The following TAF3 variants were observed in gnomAD, a reference collection of about 807,000 sequenced individuals.
TAF3 encodes the protein transcription initiation factor TFIID subunit 3.
TAF3 carries 7 observed loss-of-function variants against 80.6 expected under a neutral mutation model. That is an observed-to-expected ratio of 0.09 (90% confidence interval 0.05 to 0.16). The LOEUF (loss-of-function observed/expected upper bound fraction) is 0.16, where lower values mean the gene tolerates loss of function less well. Ranked by LOEUF, TAF3 falls within the 10% of genes least tolerant of loss-of-function variation. The probability of loss-of-function intolerance (pLI) is 1.00; values close to 1 mark genes in which losing one functional copy is unlikely to be tolerated. For synonymous variants in TAF3, 444 were observed against 446.1 expected (o/e 1.00, Z 0.06); for missense variants, 921 against 1,140.2 (o/e 0.81, Z 2.77).
chr10:7,867,565 C>T (rs1837225748), intron 2 of TAF3, among the ~76,000 whole-genome samples: 2 of 152,112 alleles, frequency 1.3e-5, no homozygotes, highest in Admixed American at 6.5e-5. Flanking sequence ...GAAGGGGCAC[C>T]CTCATTCTGT....
intron 3 of TAF3, among the ~76,000 whole-genome samples, chr10:7,973,605 A>C (rs7092822): frequency 6.6e-6 from 1 of 152,180 alleles, no homozygotes; most frequent in African/African-American, 2.4e-5. Flanking sequence ...TGAAACCCAC[A>C]TTATCTACCC....
chr10:7,846,313 A>T (rs1041522407), intron 2 of TAF3, among the ~76,000 whole-genome samples: 1 of 152,224 alleles, frequency 6.6e-6, no homozygotes, highest in East Asian at 1.9e-4. Context: ...AAAGTATTGT[A>T]TTAATTTACA....
intron 2 of TAF3, among the ~76,000 whole-genome samples, chr10:7,864,477 A>G (rs749779359): frequency 1.3e-5 from 2 of 152,210 alleles, no homozygotes; most frequent in African/African-American, 4.8e-5. Context: ...AAAAAATACT[A>G]CAGTATATTA....
At chr10:7,955,255 AAG>A (rs1838124089) in intron 2 of TAF3, among the ~76,000 whole-genome samples, 2 of 152,186 alleles carry the variant, frequency 1.3e-5, no homozygotes, top group Admixed American at 1.3e-4. Context: ...TTGCTAGTAA[AAG>A]AGGAATCTAT....
chr10:7,897,040 T>C (rs1490604039), intron 2 of TAF3, among the ~76,000 whole-genome samples: 5 of 152,322 alleles, frequency 3.3e-5, no homozygotes. Context: ...CCCTCCATCC[T>C]CAAGCCAGCA....
intron 2 of TAF3, among the ~76,000 whole-genome samples, chr10:7,897,532 A>T (rs1041133819): frequency 2.0e-5 from 3 of 152,006 alleles, no homozygotes; most frequent in African/African-American, 7.2e-5. Flanking sequence ...TGTTTTTTTC[A>T]TGGTACCGCT....
chr10:7,905,060 T>G (rs1288113797), intron 2 of TAF3, among the ~76,000 whole-genome samples: 2 of 152,172 alleles, frequency 1.3e-5, no homozygotes, highest in Non-Finnish European at 2.9e-5. Flanking sequence ...AAAGATAGAC[T>G]GAAAGGCTCC....
intron 2 of TAF3, among the ~76,000 whole-genome samples, chr10:7,926,076 G>A (rs1837813053): frequency 6.6e-6 from 1 of 152,072 alleles, no homozygotes. Context: ...TTTTAGAAAG[G>A]ATTTTGTTGT....
At position 7,914,651 on chromosome 10, in the gene TAF3, G is replaced by A. The variant is rs537381575; in HGVS notation, c.410-49269G>A. 7.2e-5 allele frequency among the ~76,000 whole-genome samples: 11 copies of A among 152,254 alleles called. No homozygotes were observed. The South Asian group carries it at 2.3e-3, about 32-fold the overall frequency. On this transcript the variant is annotated intron_variant, in intron 2 of 6. Coordinates refer to ENST00000344293, the MANE Select transcript of TAF3 (RefSeq NM_031923.4). ...TGTATTTGGACTTTTACTGTAAATT[G>A]TTAATAAAATCTATTATAAATGTCT...
chr10:7,987,100 T>C (rs530579049), intron 4 of TAF3, among the ~76,000 whole-genome samples: 1 of 152,248 alleles, frequency 6.6e-6, no homozygotes, highest in Non-Finnish European at 1.5e-5. Context: ...GGCAGGCAGA[T>C]CACTTGAGCC....
chr10:7,916,641 A>G (rs745732556), intron 2 of TAF3, among the ~76,000 whole-genome samples: 1 of 152,138 alleles, frequency 6.6e-6, no homozygotes, highest in Admixed American at 6.5e-5. Context: ...TAAAGTGTAT[A>G]TATATATATT....
chr10:7,835,339 G>A (rs1041003378), intron 2 of TAF3, among the ~76,000 whole-genome samples: 1 of 152,314 alleles, frequency 6.6e-6, no homozygotes, highest in East Asian at 1.9e-4. Flanking sequence ...TGACAAGCTT[G>A]CTTTAGAAGG....
intron 2 of TAF3, among the ~76,000 whole-genome samples, chr10:7,871,880 A>G (rs1025181574): frequency 1.3e-5 from 2 of 152,236 alleles, no homozygotes; most frequent in African/African-American, 2.4e-5. Flanking sequence ...TAACTATCCA[A>G]ATATTTCTAA....
chr10:7,898,657 C>G (rs756573526), intron 2 of TAF3, among the ~76,000 whole-genome samples: 2 of 151,770 alleles, frequency 1.3e-5, no homozygotes, highest in Non-Finnish European at 2.9e-5. Flanking sequence ...TGAAGCTCTT[C>G]AAGCACTGGG....
chr10:7,818,907 C>T, intron 1 of TAF3, 32 bp downstream of exon 1: 1 of 1,371,270 alleles, frequency 7.3e-7, no homozygotes, highest in Non-Finnish European at 9.4e-7. Flanking sequence ...GGAGGGCTGC[C>T]CCGGCAAGTC....
chr10:7,940,542 C>T (rs902306753), intron 2 of TAF3, among the ~76,000 whole-genome samples: 7 of 152,148 alleles, frequency 4.6e-5, no homozygotes, highest in African/African-American at 1.4e-4. Context: ...AAGTTAGAAA[C>T]AGCCGTGGAG....
At chr10:7,927,622 C>T (rs145628224) in intron 2 of TAF3, among the ~76,000 whole-genome samples, 7 of 152,256 alleles carry the variant, frequency 4.6e-5, no homozygotes, top group South Asian at 2.1e-4. Flanking sequence ...TATATTTTAA[C>T]GTCAGATAAT....
chr10:8,014,149 G>A (rs758373359), intron 6 of TAF3, among the ~76,000 whole-genome samples: 3 of 152,172 alleles, frequency 2.0e-5, no homozygotes, highest in Non-Finnish European at 2.9e-5. Flanking sequence ...TTCTGTAGGA[G>A]CTGTAGCACT....
intron 4 of TAF3, among the ~76,000 whole-genome samples, chr10:7,980,618 GA>G (rs1203421621): frequency 6.6e-6 from 1 of 152,176 alleles, no homozygotes; most frequent in Non-Finnish European, 1.5e-5. Flanking sequence ...ACCTAACCCT[GA>G]AATTACAGTC....
Sources: gnomAD v4.1 joint callset for allele counts (sites outside exome capture counted in the v4.1 genomes callset) on GRCh38, gnomAD v4.1.1 for gene constraint, MANE v1.5 for transcripts, NCBI Gene and HGNC (gene_info 2026-07-23, HGNC 2026-07-21) for gene names.